The following PDGFRL variants were observed in gnomAD, a reference collection of about 807,000 sequenced individuals.
PDGFRL encodes the protein platelet-derived growth factor receptor-like protein.
In PDGFRL, 46 loss-of-function variants were observed where a neutral mutation model predicts 37.2. The ratio of observed to expected loss-of-function variants is 1.24; its 90% CI spans 0.98 to 1.58. PDGFRL has a LOEUF of 1.58. PDGFRL is among the 40% of genes most tolerant of loss of function. PDGFRL has a pLI of 0.00. For synonymous variants in PDGFRL, 251 were observed against 184.3 expected, an observed-to-expected ratio of 1.36 and a Z score of -2.93; for missense variants, 692 against 467.6, an observed-to-expected ratio of 1.48 and a Z score of -4.43.
chr8:17,615,484 C>G (rs1413749953), intron 2 of PDGFRL, among the ~76,000 whole-genome samples: 2 of 152,184 alleles, frequency 1.3e-5, no homozygotes, highest in African/African-American at 4.8e-5. Flanking sequence ...ATTAGATGCT[C>G]TGCCACTCAA....
chr8:17,611,380 G>A (rs1804408360), intron 2 of PDGFRL, among the ~76,000 whole-genome samples: 1 of 152,202 alleles, frequency 6.6e-6, no homozygotes, highest in South Asian at 2.1e-4. Context: ...CGTAGTTCAA[G>A]GTCACATAGC....
At chr8:17,608,378 G>A (rs527518307) in intron 2 of PDGFRL, among the ~76,000 whole-genome samples, 107 of 152,266 alleles carry the variant, frequency 7.0e-4, no homozygotes, top group African/African-American at 2.4e-3. Flanking sequence ...GGGGGTTGGG[G>A]GCCCTGTGAG....
intron 1 of PDGFRL, among the ~76,000 whole-genome samples, chr8:17,579,840 C>T (rs972610378): frequency 6.6e-6 from 1 of 151,978 alleles, no homozygotes; most frequent in Admixed American, 6.6e-5. Flanking sequence ...TGGAAAGGCA[C>T]ATAATACTTC....
intron 1 of PDGFRL, among the ~76,000 whole-genome samples, chr8:17,577,761 C>A (rs1803618389): frequency 6.6e-6 from 1 of 151,412 alleles, no homozygotes; most frequent in Non-Finnish European, 1.5e-5. Context: ...TTCCAGGTGA[C>A]CTCCCCCTCC....
At chr8:17,594,042 T>C (rs187634214) in intron 2 of PDGFRL, among the ~76,000 whole-genome samples, 2 of 152,222 alleles carry the variant, frequency 1.3e-5, no homozygotes, top group African/African-American at 2.4e-5. Flanking sequence ...CATTCTTTCC[T>C]GGCAGTCACC....
intron 5 of PDGFRL, 109 bp from the exon 6 acceptor site, chr8:17,642,504 A>T (rs1227086715): frequency 1.0e-5 from 7 of 699,962 alleles, no homozygotes; most frequent in Non-Finnish European, 1.8e-5. Flanking sequence ...GTCTTTTATA[A>T]GCATGTGCTT....
intron 1 of PDGFRL, among the ~76,000 whole-genome samples, chr8:17,585,119 T>C (rs941209072): frequency 1.3e-5 from 2 of 152,130 alleles, no homozygotes; most frequent in African/African-American, 4.8e-5. Flanking sequence ...TCTTCTAGCA[T>C]GCTAATGCAT....
At chr8:17,607,279 A>G (rs1462257752) in intron 2 of PDGFRL, among the ~76,000 whole-genome samples, 5 of 150,478 alleles carry the variant, frequency 3.3e-5, no homozygotes, top group African/African-American at 4.9e-5. Context: ...TAGATCACCC[A>G]TTGCTCGTCG....
chr8:17,623,958 A>G (rs1465628259), intron 3 of PDGFRL, among the ~76,000 whole-genome samples: 1 of 152,058 alleles, frequency 6.6e-6, no homozygotes, highest in Non-Finnish European at 1.5e-5. Context: ...TTGGGAACCA[A>G]AGAAAAGCTA....
chr8:17,593,531 A>G (rs140204032), intron 2 of PDGFRL, among the ~76,000 whole-genome samples: 1 of 151,842 alleles, frequency 6.6e-6, no homozygotes, highest in Non-Finnish European at 1.5e-5. Context: ...CCAGGAAGTC[A>G]ACGCTGCAGT....
At chr8:17,603,015 C>T (rs2720483) in intron 2 of PDGFRL, among the ~76,000 whole-genome samples, 4 of 152,182 alleles carry the variant, frequency 2.6e-5, no homozygotes, top group African/African-American at 9.7e-5. Flanking sequence ...ACAGAGTCTT[C>T]TTTCTTGCCC....
intron 4 of PDGFRL, among the ~76,000 whole-genome samples, chr8:17,633,769 C>T (rs753117728): frequency 2.0e-5 from 3 of 152,166 alleles, no homozygotes; most frequent in Non-Finnish European, 4.4e-5. Context: ...GACTTCTTCC[C>T]CCTCACCTCT....
At chr8:17,604,273 G>C (rs967086820) in intron 2 of PDGFRL, among the ~76,000 whole-genome samples, 15 of 152,276 alleles carry the variant, frequency 9.9e-5, no homozygotes, top group African/African-American at 1.7e-4. Context: ...CTGCTATAAA[G>C]ACACATGCAC....
chr8:17,629,522 C>T (rs564809582), intron 4 of PDGFRL, among the ~76,000 whole-genome samples: 7 of 152,304 alleles, frequency 4.6e-5, no homozygotes, highest in African/African-American at 1.7e-4. Context: ...CCTGCCAACC[C>T]TCATTCTCTG....
At position 17,589,578 on chromosome 8, in the gene PDGFRL, G is replaced by A. The variant is rs1349793822; in HGVS notation, c.166G>A (p.Asp56Asn). The stretch of plus-strand genomic sequence containing the variant: ...CAAAATTCCTAAAATGAAGGACAGG[G>A]ACTCAGCCAATTCAGCACCAAAGAC... ...KPKIPKMKDR[D>N]SANSAPKTQS... The change falls in exon 2 of 6, where the codon GAC becomes AAC. Residue 56 changes from aspartate to asparagine, a missense_variant. By Grantham distance (23) the Asp-to-Asn change is conservative. Coordinates refer to ENST00000251630, the MANE Select transcript of PDGFRL (RefSeq NM_001372073.1). The A allele has an allele frequency of 4.9e-5, 79 of 1,613,766 alleles. No homozygotes were observed. Among genetic ancestry groups the A allele is most frequent in the Non-Finnish European group, 6.6e-5 (78 of 1,179,800 alleles).
At chr8:17,616,357 G>C (rs972253233) in intron 2 of PDGFRL, among the ~76,000 whole-genome samples, 1 of 152,038 alleles carries the variant, frequency 6.6e-6, no homozygotes, top group Admixed American at 6.6e-5. Context: ...ACCGCGCCCA[G>C]CTAATTTTTG....
At chr8:17,621,755 C>A (rs1025626279) in intron 3 of PDGFRL, among the ~76,000 whole-genome samples, 1 of 152,152 alleles carries the variant, frequency 6.6e-6, no homozygotes, top group African/African-American at 2.4e-5. Flanking sequence ...TCACTGTCTT[C>A]TCAGAACCTA....
intron 2 of PDGFRL, among the ~76,000 whole-genome samples, chr8:17,599,545 G>A (rs1422489568): frequency 6.6e-6 from 1 of 152,078 alleles, no homozygotes; most frequent in Non-Finnish European, 1.5e-5. Context: ...AAATGACCCT[G>A]TTCATCTACT....
chr8:17,606,886 G>GTTTTTTGTT (rs1804290094), intron 2 of PDGFRL, among the ~76,000 whole-genome samples: 4 of 138,260 alleles, frequency 2.9e-5, no homozygotes, highest in African/African-American at 1.1e-4. Context: ...TTCGTTTTTT[G>GTTTTTTGTT]TTTTTTTGTT....
Sources: allele counts gnomAD v4.1 joint callset (sites outside exome capture counted in the v4.1 genomes callset), GRCh38; gene constraint gnomAD v4.1.1; transcripts MANE v1.5; gene names NCBI Gene and HGNC (gene_info 2026-07-23, HGNC 2026-07-21).